The following FAT4 variants were observed in gnomAD, a reference collection of about 807,000 sequenced individuals.
The protein encoded by FAT4 is protocadherin Fat 4.
In FAT4, 84 loss-of-function variants were observed where a neutral mutation model predicts 303.9. The observed-to-expected ratio is 0.28, with a 90% CI of 0.23 to 0.33. The LOEUF (loss-of-function observed/expected upper bound fraction) is 0.33. Ranked by LOEUF, FAT4 falls within the 10% of genes least tolerant of loss-of-function variation. FAT4 has a pLI of 1.00. For synonymous variants in FAT4, 2,307 were observed against 2,298.8 expected (o/e 1.00, Z -0.10); for missense variants, 6,005 against 6,146.8 (o/e 0.98, Z 0.77).
chr4:125,465,775 G>A (rs1264740366), intron 11 of FAT4, among the ~76,000 whole-genome samples: 1 of 152,086 alleles, frequency 6.6e-6, no homozygotes, highest in African/African-American at 2.4e-5. Flanking sequence ...ATTCCTTCCA[G>A]GGGCAAAGAC....
chr4:125,490,411 G>A lies in FAT4; in HGVS notation c.13595G>A (p.Arg4532Lys), dbSNP rs1305067430. The stretch of plus-strand genomic sequence containing the variant: ...AGCCTGATCCTGTGTAACCAGTGCA[G>A]GGGGAAGAAGGCCAAAAATCCCAAA... ...VLSLILCNQC[R>K]GKKAKNPKEE... Residue 4532 changes from arginine (R) to lysine (K), a missense_variant, in exon 18 of 18, where the codon AGG (arginine) becomes AAG (lysine). Coordinates refer to ENST00000394329, the MANE Select transcript of FAT4 (RefSeq NM_001291303.3). The A allele has an allele frequency of 6.8e-6, 11 of 1,613,992 alleles. No homozygotes were observed. The highest frequency in any genetic ancestry group is 9.3e-6 in the Non-Finnish European group (11 of 1,180,028).
intron 2 of FAT4, among the ~76,000 whole-genome samples, chr4:125,325,181 T>C (rs912430681): frequency 6.6e-6 from 1 of 152,192 alleles, no homozygotes; most frequent in Non-Finnish European, 1.5e-5. Flanking sequence ...TGAAACCCTG[T>C]CAGCAAACTT....
At position 125,490,284 on chromosome 4, in the gene FAT4, G is replaced by A. The variant is rs748064828; in HGVS notation, c.13468G>A (p.Val4490Ile). 8.7e-6 allele frequency: 14 copies of A among 1,614,042 alleles called. No homozygotes were observed. The East Asian group carries it at 2.9e-4, about 33-fold the overall frequency. The stretch of plus-strand genomic sequence containing the variant: ...CAAAGCTGGAAGTCCTGCGGGGCAT[G>A]TCTGTGTTCTGAGTCAGGGCCCTGA... ...VCKAGSPAGH[V>I]CVLSQGPEEI... is the part of the protein sequence containing the mutation. Residue 4490 changes from valine (V) to isoleucine (I), a missense_variant, in exon 18 of 18, where the codon GTC becomes ATC. Val to Ile is a conservative substitution (Grantham distance 29). Coordinates refer to ENST00000394329, the MANE Select transcript of FAT4 (RefSeq NM_001291303.3).
At chr4:125,467,922 T>C (rs1269029181) in intron 11 of FAT4, among the ~76,000 whole-genome samples, 3 of 152,138 alleles carry the variant, frequency 2.0e-5, no homozygotes, top group African/African-American at 7.2e-5. Flanking sequence ...CCCAACACTT[T>C]GGGAGGCTGA....
chr4:125,390,197 T>G (rs1160195215), intron 2 of FAT4, among the ~76,000 whole-genome samples: 2 of 152,196 alleles, frequency 1.3e-5, no homozygotes, highest in African/African-American at 4.8e-5. Flanking sequence ...GAATTTTTTT[T>G]TTGTTCCTAA....
chr4:125,454,498 A>G (rs1443109630), intron 10 of FAT4, among the ~76,000 whole-genome samples: 1 of 152,070 alleles, frequency 6.6e-6, no homozygotes, highest in African/African-American at 2.4e-5. Flanking sequence ...AATCATAAGT[A>G]CTTTCAGGGT....
chr4:125,439,804 C>T (rs1259317674), intron 8 of FAT4, among the ~76,000 whole-genome samples: 3 of 152,124 alleles, frequency 2.0e-5, no homozygotes, highest in African/African-American at 7.2e-5. Flanking sequence ...AGCGTATCTA[C>T]AGAAATGCTC....
chr4:125,457,122 T>TAC (rs151245014), intron 10 of FAT4, among the ~76,000 whole-genome samples: 199 of 81,392 alleles, frequency 2.4e-3, no homozygotes, highest in African/African-American at 0.019. Flanking sequence ...GTTTCTCTCA[T>TAC]ACACACACAC....
At chr4:125,333,044 A>C (rs1731446071) in intron 2 of FAT4, among the ~76,000 whole-genome samples, 1 of 152,102 alleles carries the variant, frequency 6.6e-6, no homozygotes, top group Admixed American at 6.6e-5. Flanking sequence ...AGTTTACAAA[A>C]GTATATATAC....
Position 125,491,276 on chromosome 4 carries a change from C to T in FAT4, c.14460C>T (p.Asp4820=). ...ATGGGAGGTCTTCTTCAGAGGAGGA[C>T]TGCAGAAGGCCACTGTCTAGAACAA... ...ADHGRSSSEE[D]CRRPLSRTRN... Residue 4820 remains aspartate, a synonymous_variant, in exon 18 of 18, where the codon GAC becomes GAT. Transcript: ENST00000394329. The T allele has an allele frequency of 1.2e-6, 2 of 1,614,152 alleles. No individual in the cohort carries two copies. The highest frequency in any genetic ancestry group is 1.7e-6 in the Non-Finnish European group (2 of 1,180,026).
intron 2 of FAT4, among the ~76,000 whole-genome samples, chr4:125,388,874 C>T (rs1242623175): frequency 6.6e-6 from 1 of 152,136 alleles, no homozygotes; most frequent in Non-Finnish European, 1.5e-5. Context: ...TCTTGTCACT[C>T]CTGGCTACTC....
chr4:125,388,561 C>T (rs1193536053), intron 2 of FAT4, among the ~76,000 whole-genome samples: 1 of 152,092 alleles, frequency 6.6e-6, no homozygotes, highest in East Asian at 1.9e-4. Context: ...ATAAAAATTT[C>T]CATAAGTTTC....
chr4:125,464,426 C>A (rs558879542), intron 11 of FAT4, among the ~76,000 whole-genome samples: 76 of 150,842 alleles, frequency 5.0e-4, no homozygotes, highest in Middle Eastern at 7.0e-3. Flanking sequence ...TTATTCCATT[C>A]TTTTTAAAGG....
At chr4:125,401,977 G>A (rs763620293) in intron 3 of FAT4, among the ~76,000 whole-genome samples, 4 of 151,640 alleles carry the variant, frequency 2.6e-5, no homozygotes, top group Non-Finnish European at 5.9e-5. Flanking sequence ...TTGTTTTGTT[G>A]CTGATATGGC....
intron 2 of FAT4, among the ~76,000 whole-genome samples, chr4:125,377,331 C>CAA (rs141299885): frequency 2.7e-5 from 4 of 149,272 alleles, no homozygotes; most frequent in African/African-American, 9.8e-5. Flanking sequence ...CATTCTTTAT[C>CAA]AAAAAAAAAC....
In FAT4 at chr4:125,318,730, T is replaced by A; in HGVS notation, c.2319T>A (p.Ser773=). The A allele has an allele frequency of 6.2e-7, 1 of 1,613,920 alleles. No homozygotes were observed. The highest frequency in any genetic ancestry group is 1.7e-5 in the Admixed American group (1 of 60,012). Residue 773 remains serine (S), a synonymous_variant, in exon 2 of 18, where the codon TCT becomes TCA. Coordinates refer to ENST00000394329, the MANE Select transcript of FAT4 (RefSeq NM_001291303.3). ...IVATDGGNLQ[S]PNQAIVTITV... is the part of the protein sequence containing the mutation. ...CTACTGATGGTGGCAATTTACAATC[T>A]CCCAACCAGGCAATAGTAACCATCA...
At position 125,449,435 on chromosome 4, in the gene FAT4, A is replaced by G; in HGVS notation, c.8425A>G (p.Ser2809Gly). 1 of 1,613,898 alleles carries G rather than the reference A, an allele frequency of 6.2e-7. No homozygotes were observed. Among genetic ancestry groups the G allele is most frequent in the Non-Finnish European group, 8.5e-7 (1 of 1,179,852 alleles). Residue 2809 changes from serine to glycine, a missense_variant, in exon 10 of 18, where the codon AGT (serine) becomes GGT (glycine). Physicochemically the swap from Ser to Gly is moderately conservative, Grantham distance 56. Coordinates refer to ENST00000394329, the MANE Select transcript of FAT4 (RefSeq NM_001291303.3). ...SDEDIGINAI[S>G]RYSIMDASLP... ...TGAAGACATTGGGATCAATGCAATT[A>G]GTAGATATTCTATAATGGATGCAAG...
intron 8 of FAT4, 95 bp downstream of exon 8, chr4:125,434,520 A>G (rs1255013321): frequency 2.0e-6 from 2 of 1,007,754 alleles, no homozygotes; most frequent in African/African-American, 3.3e-5. Context: ...AATGAACGTC[A>G]TATTAACACA....
At chr4:125,392,899 G>GA (rs1475050991) in intron 2 of FAT4, among the ~76,000 whole-genome samples, 1 of 152,088 alleles carries the variant, frequency 6.6e-6, no homozygotes, top group Non-Finnish European at 1.5e-5. Flanking sequence ...CACTACTCTG[G>GA]AAAAATCAGT....
Sources: gnomAD v4.1 joint callset for allele counts (sites outside exome capture counted in the v4.1 genomes callset) on GRCh38, gnomAD v4.1.1 for gene constraint, MANE v1.5 for transcripts, NCBI Gene and HGNC (gene_info 2026-07-23, HGNC 2026-07-21) for gene names.